Variants in RALA observed in about 807,000 individuals in gnomAD.
RALA encodes the protein RAS like proto-oncogene A.
In RALA, 5 loss-of-function variants were observed where a neutral mutation model predicts 24.0. That is an observed-to-expected ratio of 0.21 (90% CI 0.11 to 0.44). The LOEUF is 0.44. RALA is among the 20% of genes least tolerant of loss of function. The pLI is 0.99. For synonymous variants in RALA, 77 were observed against 83.8 expected (o/e 0.92, Z 0.44); for missense variants, 95 against 241.2 (o/e 0.39, Z 4.01).
In RALA at chr7:39,707,029, G is replaced by C. The variant is rs1474681881; in HGVS notation, c.*784G>C. 6.6e-6 allele frequency: 1 copy of C among 152,524 alleles called. No homozygotes were observed. The highest frequency in any genetic ancestry group is 1.9e-4 in the East Asian group (1 of 5,190). The allele number at this position is 152,524 out of a possible 1,614,324, so 9.4% of individuals were successfully genotyped here. A position where few individuals can be genotyped will look rare whatever the true frequency, so the allele number is the denominator to read the frequency against. On this transcript the variant is annotated 3_prime_UTR_variant, in exon 5 of 5. Coordinates refer to ENST00000005257, the MANE Select transcript of RALA (RefSeq NM_005402.4). ...AAATTTAAAATGTGTGCCATATTCT[G>C]GTTCTTGAAAATAAGATTCCAGAGC...
chr7:39,637,114 A>G (rs1583706681), intron 1 of RALA, among the ~76,000 whole-genome samples: 1 of 152,252 alleles, frequency 6.6e-6, no homozygotes, highest in Non-Finnish European at 1.5e-5. Context: ...GTTTAAGAGT[A>G]ATGAAGGGGA....
At chr7:39,643,831 C>G (rs1436712998) in intron 1 of RALA, among the ~76,000 whole-genome samples, 2 of 152,024 alleles carry the variant, frequency 1.3e-5, no homozygotes, top group African/African-American at 4.8e-5. Context: ...TGCACTCCAG[C>G]CTGGGTGACA....
intron 1 of RALA, among the ~76,000 whole-genome samples, chr7:39,684,673 T>C (rs1454828234): frequency 6.8e-6 from 1 of 146,672 alleles, no homozygotes; most frequent in Non-Finnish European, 1.5e-5. Context: ...AGAATTGTCT[T>C]GGGCCAGACA....
intron 1 of RALA, among the ~76,000 whole-genome samples, chr7:39,637,528 C>G (rs1791704953): frequency 1.3e-5 from 2 of 152,130 alleles, no homozygotes; most frequent in Admixed American, 1.3e-4. Flanking sequence ...GTGGTTCAGT[C>G]TCTGAATAAT....
intron 3 of RALA, among the ~76,000 whole-genome samples, chr7:39,694,114 A>G (rs1356962795): frequency 6.6e-6 from 1 of 152,252 alleles, no homozygotes; most frequent in African/African-American, 2.4e-5. Context: ...ACACTGTGAG[A>G]TAGATACTAC....
intron 1 of RALA, among the ~76,000 whole-genome samples, chr7:39,626,881 TGTTTTTAACC>T (rs1791498182): frequency 6.6e-6 from 1 of 152,234 alleles, no homozygotes; most frequent in Non-Finnish European, 1.5e-5. Flanking sequence ...GTGCTTGGTC[TGTTTTTAACC>T]GTTTGAGACC....
At chr7:39,649,459 C>A (rs1791983819) in intron 1 of RALA, among the ~76,000 whole-genome samples, 1 of 152,156 alleles carries the variant, frequency 6.6e-6, no homozygotes, top group African/African-American at 2.4e-5. Context: ...GCAGAGTCCT[C>A]ATGAATGAGA....
At chr7:39,684,083 T>G (rs986109359) in intron 1 of RALA, among the ~76,000 whole-genome samples, 4 of 152,224 alleles carry the variant, frequency 2.6e-5, no homozygotes, top group Admixed American at 2.6e-4. Context: ...TTTCAGACTT[T>G]TAGTTACCTG....
At chr7:39,625,063 T>C (rs114358438) in intron 1 of RALA, among the ~76,000 whole-genome samples, 2 of 152,238 alleles carry the variant, frequency 1.3e-5, no homozygotes, top group Admixed American at 6.5e-5. Flanking sequence ...GTCCTACTTA[T>C]GACTGTTTCT....
intron 1 of RALA, among the ~76,000 whole-genome samples, chr7:39,673,362 A>G (rs1792422379): frequency 6.6e-6 from 1 of 152,052 alleles, no homozygotes; most frequent in Non-Finnish European, 1.5e-5. Context: ...AGAGTTTTGT[A>G]CCTTTACCAA....
chr7:39,657,103 A>T (rs973257963), intron 1 of RALA, among the ~76,000 whole-genome samples: 2 of 151,952 alleles, frequency 1.3e-5, no homozygotes, highest in African/African-American at 4.8e-5. Context: ...GGTAGCTGGG[A>T]TTACAGGCAC....
intron 2 of RALA, among the ~76,000 whole-genome samples, chr7:39,687,564 A>G (rs1307339578): frequency 2.0e-5 from 3 of 152,246 alleles, no homozygotes; most frequent in Non-Finnish European, 2.9e-5. Flanking sequence ...ATTTGTATGC[A>G]TGTATTCATA....
intron 1 of RALA, among the ~76,000 whole-genome samples, chr7:39,645,444 C>A (rs1791908931): frequency 6.6e-6 from 1 of 152,054 alleles, no homozygotes; most frequent in Non-Finnish European, 1.5e-5. Flanking sequence ...CAATTATGGC[C>A]TCATAAATGA....
chr7:39,637,979 A>G (rs901928589), intron 1 of RALA, among the ~76,000 whole-genome samples: 5 of 152,232 alleles, frequency 3.3e-5, no homozygotes, highest in African/African-American at 9.6e-5. Flanking sequence ...TTGTAATACT[A>G]TTGTAACACC....
In RALA at chr7:39,628,376, T is replaced by TACACACACAC. The variant is rs36095637; in HGVS notation, c.-38+4579_-38+4588dup. On this transcript the variant is annotated intron_variant, in intron 1 of 4. Transcript: ENST00000005257. ...CAGCAGTCCACAGTAACCTCATAAC[T>TACACACACAC]ACACACACACACACACACACACACA... 1.5e-3 allele frequency among the ~76,000 whole-genome samples: 213 copies of TACACACACAC among 145,138 alleles called. 1 individual carries two copies. Among genetic ancestry groups the TACACACACAC allele is most frequent in the South Asian group, 4.6e-3 (20 of 4,394 alleles).
At chr7:39,637,283 A>G (rs892431005) in intron 1 of RALA, among the ~76,000 whole-genome samples, 2 of 152,120 alleles carry the variant, frequency 1.3e-5, no homozygotes, top group African/African-American at 2.4e-5. Flanking sequence ...AAGTGTGACT[A>G]ATTTTTTTTA....
intron 2 of RALA, among the ~76,000 whole-genome samples, chr7:39,688,169 G>A (rs1225362313): frequency 6.6e-6 from 1 of 152,178 alleles, no homozygotes; most frequent in Non-Finnish European, 1.5e-5. Context: ...TAGGGAAGGC[G>A]TAGGCTGGAG....
At chr7:39,687,126 T>C (rs1014894684) in intron 2 of RALA, among the ~76,000 whole-genome samples, 3 of 152,170 alleles carry the variant, frequency 2.0e-5, no homozygotes, top group Non-Finnish European at 2.9e-5. Context: ...GAGGTTAACA[T>C]ATATAAAATA....
chr7:39,652,774 T>C (rs1792039297), intron 1 of RALA, among the ~76,000 whole-genome samples: 1 of 151,864 alleles, frequency 6.6e-6, no homozygotes, highest in African/African-American at 2.4e-5. Context: ...ATTAATTTTA[T>C]TATTATTATT....
Sources: gnomAD v4.1 joint callset for allele counts (sites outside exome capture counted in the v4.1 genomes callset) on GRCh38, gnomAD v4.1.1 for gene constraint, MANE v1.5 for transcripts, NCBI Gene and HGNC (gene_info 2026-07-23, HGNC 2026-07-21) for gene names.